Variants in FMN2 observed in about 807,000 individuals in gnomAD.
FMN2 encodes the protein formin-2.
A neutral mutation model predicts 142.3 loss-of-function variants in FMN2; 51 were observed. That is an observed-to-expected ratio of 0.36 (90% CI 0.29 to 0.45). The LOEUF (loss-of-function observed/expected upper bound fraction) is 0.45. FMN2 is among the 20% of genes least tolerant of loss of function. The pLI, the probability that FMN2 is intolerant of heterozygous loss-of-function variation, is 1.00. For missense variants in FMN2, 1,936 were observed against 2,122.8 expected (o/e 0.91, Z 1.73); for synonymous variants, 882 against 869.8 (o/e 1.01, Z -0.25).
intron 4 of FMN2, among the ~76,000 whole-genome samples, chr1:240,191,523 C>A (rs192848091): frequency 5.5e-4 from 84 of 152,324 alleles, no homozygotes; most frequent in African/African-American, 1.9e-3. Flanking sequence ...CTCTGAAAAT[C>A]TGCTCTATCT....
chr1:240,300,933 A>T (rs369501911), intron 8 of FMN2, among the ~76,000 whole-genome samples: 5 of 148,348 alleles, frequency 3.4e-5, no homozygotes, highest in African/African-American at 1.2e-4. Flanking sequence ...GTGTACTTTC[A>T]ACTTCCCTGT....
intron 2 of FMN2, among the ~76,000 whole-genome samples, chr1:240,129,805 A>G (rs924767191): frequency 6.6e-6 from 1 of 152,080 alleles, no homozygotes; most frequent in African/African-American, 2.4e-5. Context: ...CCCAGCCACC[A>G]TTATTGACAT....
At chr1:240,306,438 T>G (rs943566291) in intron 8 of FMN2, among the ~76,000 whole-genome samples, 1 of 152,170 alleles carries the variant, frequency 6.6e-6, no homozygotes, top group South Asian at 2.1e-4. Flanking sequence ...CTCCCTCCTT[T>G]TGGAGTCCCC....
At chr1:240,403,625 C>A (rs546305260) in intron 15 of FMN2, among the ~76,000 whole-genome samples, 17 of 145,194 alleles carry the variant, frequency 1.2e-4, no homozygotes, top group African/African-American at 4.8e-4. Context: ...TTTTTTTTTC[C>A]TCCAGGAGCT....
intron 15 of FMN2, among the ~76,000 whole-genome samples, chr1:240,426,251 TGAG>T: frequency 6.6e-6 from 1 of 152,234 alleles, no homozygotes; most frequent in East Asian, 1.9e-4. Context: ...TAAAAACAGA[TGAG>T]AAGTTGAAAA....
At chr1:240,186,867 C>G (rs1323919931) in intron 3 of FMN2, among the ~76,000 whole-genome samples, 2 of 152,132 alleles carry the variant, frequency 1.3e-5, no homozygotes, top group African/African-American at 4.8e-5. Flanking sequence ...TGTAGCTTAA[C>G]AGTATGTTAA....
rs115504752 is a variant in FMN2, at chr1:240,449,829, A to T, written c.5060+11619A>T. Among the ~76,000 whole-genome samples the T allele has an allele frequency of 4.3e-3, 651 of 152,280 alleles. 2 individuals are homozygous for T. The highest frequency in any genetic ancestry group is 0.014 in the African/African-American group (601 of 41,576). On this transcript the variant is annotated intron_variant, in intron 16 of 17. Coordinates refer to ENST00000319653, the MANE Select transcript of FMN2 (RefSeq NM_020066.5). ...ATAAAAATTATATGCATAAGGTTAT[A>T]CAAAGTGATGTCTTGATATACATTG...
intron 7 of FMN2, among the ~76,000 whole-genome samples, chr1:240,285,706 T>C (rs1011109702): frequency 5.3e-5 from 8 of 152,102 alleles, no homozygotes; most frequent in African/African-American, 1.7e-4. Flanking sequence ...AATTTATAAC[T>C]GTGTCACATG....
intron 13 of FMN2, among the ~76,000 whole-genome samples, chr1:240,336,553 C>CAAAAA (rs552135436): frequency 2.0e-5 from 1 of 50,488 alleles, no homozygotes; most frequent in African/African-American, 4.9e-5. Context: ...TGGTATTCTC[C>CAAAAA]AAAAAAAAAA....
In FMN2 at chr1:240,207,072, G is replaced by A; in HGVS notation, c.2260G>A (p.Val754Met). The change falls in exon 5 of 18, where the codon GTG (valine) becomes ATG (methionine). Residue 754 changes from valine to methionine, a missense_variant. Val to Met is a conservative substitution (Grantham distance 21). Transcript: ENST00000319653. ...GACTTCCCCCACGGAAGAGGGCGGG[G>A]TGCTGACACTGCCTCCTGTGGATGG... ...IQTSPTEEGGVLTLPPVDGLP... is the reference protein window; with the variant it reads ...IQTSPTEEGGMLTLPPVDGLP... 6.2e-7 allele frequency: 1 copy of A among 1,614,126 alleles called. No homozygotes were observed. Among genetic ancestry groups the A allele is most frequent in the Non-Finnish European group, 8.5e-7 (1 of 1,180,000 alleles).
chr1:240,420,744 C>G (rs1674733824), intron 15 of FMN2, among the ~76,000 whole-genome samples: 1 of 152,192 alleles, frequency 6.6e-6, no homozygotes, highest in South Asian at 2.1e-4. Flanking sequence ...CACCGTGTGC[C>G]AGAGACTGCC....
intron 2 of FMN2, among the ~76,000 whole-genome samples, chr1:240,169,476 T>C (rs1053383014): frequency 1.3e-5 from 2 of 152,274 alleles, no homozygotes; most frequent in African/African-American, 4.8e-5. Flanking sequence ...TTGTTTTGTT[T>C]TGTTTTTGAG....
At chr1:240,304,325 G>C (rs1670301153) in intron 8 of FMN2, among the ~76,000 whole-genome samples, 1 of 152,080 alleles carries the variant, frequency 6.6e-6, no homozygotes, top group African/African-American at 2.4e-5. Flanking sequence ...CTTCCCAAGG[G>C]TTTGCTGGGT....
chr1:240,264,334 C>T (rs566374258), intron 7 of FMN2, among the ~76,000 whole-genome samples: 16 of 152,130 alleles, frequency 1.1e-4, no homozygotes, highest in African/African-American at 2.9e-4. Context: ...AAAAGAGAAC[C>T]GGTATTGGCA....
chr1:240,279,086 C>T (rs1306862474), intron 7 of FMN2, among the ~76,000 whole-genome samples: 1 of 152,124 alleles, frequency 6.6e-6, no homozygotes, highest in Admixed American at 6.6e-5. Context: ...ATATGATGGA[C>T]ACGTCAGTGC....
At chr1:240,232,249 CT>C (rs77988184) in intron 6 of FMN2, among the ~76,000 whole-genome samples, 41 of 99,572 alleles carry the variant, frequency 4.1e-4, no homozygotes, top group Admixed American at 1.1e-3. Context: ...CCCAGCTAAT[CT>C]TTTTTTTTTT....
chr1:240,223,212 T>A (rs1336827775), intron 6 of FMN2, among the ~76,000 whole-genome samples: 1 of 152,160 alleles, frequency 6.6e-6, no homozygotes, highest in Non-Finnish European at 1.5e-5. Context: ...TGAATTTTAT[T>A]GAAGGCCTTT....
rs192322514 is a variant in FMN2, at chr1:240,217,767, G to A, written c.4065+6532G>A. ...CTGCTTTTAAATTTTCTTTTAGCCA[G>A]TAAGATTGTTTTTATACTTCTAAGT... On this transcript the variant is annotated intron_variant, in intron 6 of 17. Transcript: ENST00000319653. Among the ~76,000 whole-genome samples, 225 of 150,344 alleles carry A rather than the reference G, an allele frequency of 1.5e-3. 1 individual carries two copies. Among genetic ancestry groups the A allele is most frequent in the African/African-American group, 5.1e-3 (207 of 40,986 alleles).
chr1:240,450,247 CT>C (rs1675964896), intron 16 of FMN2, among the ~76,000 whole-genome samples: 1 of 152,202 alleles, frequency 6.6e-6, no homozygotes, highest in East Asian at 1.9e-4. Flanking sequence ...ATTAGGCTTT[CT>C]AATTATAACT....
Sources: allele counts gnomAD v4.1 joint callset (sites outside exome capture counted in the v4.1 genomes callset), GRCh38; gene constraint gnomAD v4.1.1; transcripts MANE v1.5; gene names NCBI Gene and HGNC (gene_info 2026-07-23, HGNC 2026-07-21).